TMEM117: variants seen among roughly 807,000 people sequenced by gnomAD.
The protein encoded by TMEM117 is transmembrane protein 117.
In TMEM117, 27 loss-of-function variants were observed where a neutral mutation model predicts 52.4. The ratio of observed to expected loss-of-function variants is 0.51; its 90% confidence interval spans 0.38 to 0.71. TMEM117 has a LOEUF of 0.71. Among genes scored for constraint, TMEM117 ranks in the 30% least tolerant of loss-of-function variants. The pLI is 0.00. For synonymous variants in TMEM117, 215 were observed against 206.3 expected (o/e 1.04, Z -0.36); for missense variants, 556 against 630.5 (o/e 0.88, Z 1.26).
At chr12:43,944,859 A>G (rs977524850) in intron 3 of TMEM117, among the ~76,000 whole-genome samples, 3 of 152,138 alleles carry the variant, frequency 2.0e-5, no homozygotes, top group African/African-American at 7.2e-5. Flanking sequence ...CATGCTTGTA[A>G]TCCCAGCACT....
chr12:44,056,187 AC>A (rs1455367390), intron 3 of TMEM117, among the ~76,000 whole-genome samples: 1 of 151,618 alleles, frequency 6.6e-6, no homozygotes, highest in East Asian at 1.9e-4. Flanking sequence ...GCAGCCTTGA[AC>A]TCCTGGGTTC....
chr12:43,986,659 C>A (rs1389633295), intron 3 of TMEM117, among the ~76,000 whole-genome samples: 1 of 152,160 alleles, frequency 6.6e-6, no homozygotes, highest in Non-Finnish European at 1.5e-5. Flanking sequence ...ACCATTATCT[C>A]TTTAACTATT....
intron 6 of TMEM117, among the ~76,000 whole-genome samples, chr12:44,345,508 T>A (rs1421208167): frequency 6.6e-6 from 1 of 152,144 alleles, no homozygotes; most frequent in African/African-American, 2.4e-5. Context: ...TAGTATTGAT[T>A]AAATACATAG....
At chr12:44,130,020 T>G (rs1429911149) in intron 3 of TMEM117, among the ~76,000 whole-genome samples, 1 of 152,218 alleles carries the variant, frequency 6.6e-6, no homozygotes, top group Admixed American at 6.5e-5. Context: ...CTTCCTTTTG[T>G]GGCACCATCC....
At chr12:43,909,631 A>G (rs1020417136) in intron 2 of TMEM117, among the ~76,000 whole-genome samples, 3 of 152,022 alleles carry the variant, frequency 2.0e-5, no homozygotes, top group Non-Finnish European at 4.4e-5. Context: ...AGAAGAATCA[A>G]ATAGATGCAA....
At chr12:43,920,264 G>A (rs535737714) in intron 2 of TMEM117, among the ~76,000 whole-genome samples, 3 of 152,168 alleles carry the variant, frequency 2.0e-5, no homozygotes, top group East Asian at 1.9e-4. Context: ...GGTGGCTCAC[G>A]CCTATAATCC....
intron 2 of TMEM117, among the ~76,000 whole-genome samples, chr12:43,888,140 A>G (rs984513323): frequency 2.6e-5 from 4 of 152,168 alleles, no homozygotes; most frequent in Admixed American, 2.0e-4. Context: ...ACCTTAAATA[A>G]TTTACTTTCT....
the TMEM117 span, chr12:43,800,283 A>C: frequency 1.8e-6 from 1 of 560,408 alleles, no homozygotes; most frequent in Non-Finnish European, 3.1e-6. Context: ...TATTCATTAC[A>C]GCTAACTTTA....
chr12:44,393,653 G>A (rs1471302403), downstream of TMEM117, among the ~76,000 whole-genome samples: 2 of 152,136 alleles, frequency 1.3e-5, no homozygotes, highest in East Asian at 3.9e-4. Context: ...GTATCAAATG[G>A]GATCTTTGGT....
chr12:44,047,973 G>A (rs1946905874), intron 3 of TMEM117, among the ~76,000 whole-genome samples: 1 of 151,970 alleles, frequency 6.6e-6, no homozygotes, highest in African/African-American at 2.4e-5. Flanking sequence ...TTAAATATTT[G>A]GTAGTATTTT....
chr12:43,909,285 T>C (rs1592353954), intron 2 of TMEM117, among the ~76,000 whole-genome samples: 1 of 51,312 alleles, frequency 1.9e-5, no homozygotes, highest in African/African-American at 3.7e-5. Context: ...AATAAAGATG[T>C]TCTTTGAAAC....
intron 3 of TMEM117, among the ~76,000 whole-genome samples, chr12:44,016,097 T>G (rs1946369656): frequency 6.6e-6 from 1 of 152,138 alleles, no homozygotes; most frequent in African/African-American, 2.4e-5. Context: ...TCCTCCCAAC[T>G]CCCTTCAGTT....
At chr12:44,031,511 A>G (rs1332047957) in intron 3 of TMEM117, among the ~76,000 whole-genome samples, 1 of 152,234 alleles carries the variant, frequency 6.6e-6, no homozygotes, top group Admixed American at 6.5e-5. Flanking sequence ...CAGGACTCTC[A>G]TTGATAGCTG....
the TMEM117 span, chr12:43,804,586 T>C: frequency 1.8e-3 from 2,879 of 1,566,094 alleles, 50 homozygotes; most frequent in African/African-American, 0.03. Flanking sequence ...TGGAAAAAGA[T>C]AAAGAAAGTA....
At chr12:44,172,440 G>A (rs1024665096) in intron 4 of TMEM117, among the ~76,000 whole-genome samples, 10 of 152,156 alleles carry the variant, frequency 6.6e-5, no homozygotes, top group East Asian at 3.9e-4. Flanking sequence ...CTTTCTTCTC[G>A]CTGTGTGTCT....
At chr12:44,148,564 CTG>C (rs762694844) in intron 4 of TMEM117, among the ~76,000 whole-genome samples, 2 of 151,878 alleles carry the variant, frequency 1.3e-5, no homozygotes, top group Non-Finnish European at 2.9e-5. Context: ...ACAATTTTTG[CTG>C]TCTTATTTTT....
chr12:44,247,171 A>G (rs1467820659), intron 5 of TMEM117, among the ~76,000 whole-genome samples: 3 of 152,202 alleles, frequency 2.0e-5, no homozygotes, highest in South Asian at 2.1e-4. Context: ...CCTTCAAATT[A>G]CAGTTCACTT....
At chr12:44,058,574 TA>T in intron 3 of TMEM117, among the ~76,000 whole-genome samples, 1 of 152,142 alleles carries the variant, frequency 6.6e-6, no homozygotes, top group Non-Finnish European at 1.5e-5. Flanking sequence ...GCTGAAGGAG[TA>T]AAAGTTACCT....
intron 3 of TMEM117, among the ~76,000 whole-genome samples, chr12:44,138,751 G>T (rs1948528412): frequency 6.6e-6 from 1 of 152,124 alleles, no homozygotes; most frequent in Admixed American, 6.6e-5. Context: ...GGCCTGGAAG[G>T]TCCTTACACA....
Sources: allele counts gnomAD v4.1 joint callset (sites outside exome capture counted in the v4.1 genomes callset), GRCh38; gene constraint gnomAD v4.1.1; transcripts MANE v1.5; gene names NCBI Gene and HGNC (gene_info 2026-07-23, HGNC 2026-07-21).